The following TLK1 variants were observed in gnomAD, a reference collection of about 807,000 sequenced individuals.
TLK1 encodes the protein tousled like kinase 1, also known as serine/threonine-protein kinase tousled-like 1.
In TLK1, 24 loss-of-function variants were observed where a neutral mutation model predicts 105.3. The observed-to-expected ratio is 0.23, with a 90% confidence interval of 0.17 to 0.32. TLK1 has a LOEUF of 0.32. Ranked by LOEUF, TLK1 falls within the 10% of genes least tolerant of loss-of-function variation. TLK1 has a pLI of 1.00. For missense variants in TLK1, 558 were observed against 910.5 expected (o/e 0.61, Z 4.98); for synonymous variants, 321 against 310.4 (o/e 1.03, Z -0.36).
In TLK1 at chr2:171,060,044, G is replaced by T. The variant is rs1687678314; in HGVS notation, c.406+1037C>A. ...ACTTGAAGTCAAGTTTACTCCAAAG[G>T]AAGGGGGGAAAAAACACTGAAAGCC... On this transcript the variant is annotated intron_variant, in intron 4 of 20. Coordinates refer to ENST00000431350, the MANE Select transcript of TLK1 (RefSeq NM_012290.5). 3.1e-6 allele frequency: 5 copies of T among 1,602,638 alleles called. No homozygotes were observed. In the Admixed American group the frequency reaches 8.5e-5, roughly 27 times the overall value.
Position 171,160,351 on chromosome 2 carries a change from GC to G in TLK1, c.77del (p.Gly26AlafsTer10), listed in dbSNP as rs1189031173. 1.9e-6 allele frequency: 3 copies of G among 1,604,960 alleles called. No individual in the cohort carries two copies. Among genetic ancestry groups the G allele is most frequent in the Non-Finnish European group, 2.6e-6 (3 of 1,176,394 alleles). On this transcript the variant is annotated frameshift_variant, in exon 1 of 21. Coordinates refer to ENST00000431350, the MANE Select transcript of TLK1 (RefSeq NM_012290.5). LOFTEE classifies it high-confidence loss of function. The surrounding 1 kb of genome is among the most constrained non-coding windows in gnomAD (Gnocchi z 4.4). Reference protein sequence around the residue: ...WSQLSTSPTPGSAAAARSLLN... With the variant: ...WSQLSTSPTPXSAAAARSLLN... ...GCAGGGACCTGGCCGCCGCCGCCGAGCCCGGGGTTGGAGACGTGGAGAGCTG... is the reference window on the plus strand; with the variant it reads ...GCAGGGACCTGGCCGCCGCCGCCGAGCCGGGGTTGGAGACGTGGAGAGCTG...
chr2:171,082,939 G>A lies in TLK1; in HGVS notation c.259-87C>T, dbSNP rs189761640. 101 of 873,126 alleles carry A rather than the reference G, an allele frequency of 1.2e-4. No homozygotes were observed. The African/African-American group carries it at 1.6e-3, about 14-fold the overall frequency. 54.1% of individuals were successfully genotyped at this position (873,126 alleles called of 1,614,324 possible). A position where few individuals can be genotyped will look rare whatever the true frequency, so the allele number is the denominator to read the frequency against. On this transcript the variant is annotated intron_variant, in intron 2 of 20. Coordinates refer to ENST00000431350, the MANE Select transcript of TLK1 (RefSeq NM_012290.5). ...TTTTAAACAAACATATTACAAAGTA[G>A]ATAATCTATCTTCATAAATAAATAA...
At chr2:171,055,907 T>C (rs190171579) in intron 6 of TLK1, among the ~76,000 whole-genome samples, 6 of 152,040 alleles carry the variant, frequency 3.9e-5, no homozygotes, top group East Asian at 1.9e-4. Flanking sequence ...TAGTTAGATA[T>C]TGAACTTTCA....
intron 10 of TLK1, 107 bp from the exon 11 acceptor site, chr2:171,046,469 G>A (rs1409571233): frequency 8.4e-5 from 106 of 1,265,948 alleles, no homozygotes; most frequent in Non-Finnish European, 7.6e-5. Context: ...ATATACATTC[G>A]TAACCTTTTG....
chr2:171,153,218 C>A (rs919930144), intron 1 of TLK1, among the ~76,000 whole-genome samples: 2 of 152,180 alleles, frequency 1.3e-5, no homozygotes, highest in Admixed American at 6.5e-5. Context: ...CTAGGTCACA[C>A]TGGTAAGTCA....
intron 2 of TLK1, among the ~76,000 whole-genome samples, chr2:171,105,189 G>T (rs959426660): frequency 6.6e-6 from 1 of 152,100 alleles, no homozygotes; most frequent in African/African-American, 2.4e-5. Context: ...TCACAGCAAA[G>T]GAAACAATCA....
chr2:171,014,715 C>G (rs182986454), intron 13 of TLK1, 136 bp downstream of exon 13: 36 of 659,534 alleles, frequency 5.5e-5, no homozygotes, highest in Non-Finnish European at 9.2e-5. Context: ...AAAAGGCCTT[C>G]CAAGCCATGG....
intron 3 of TLK1, among the ~76,000 whole-genome samples, chr2:171,072,929 G>GAAA (rs11387073): frequency 6.5e-5 from 8 of 123,524 alleles, no homozygotes; most frequent in Non-Finnish European, 6.7e-5. Flanking sequence ...ACTCTGTCTC[G>GAAA]AAAAAAAAAA....
At chr2:171,126,852 C>G (rs1375246678) in intron 1 of TLK1, among the ~76,000 whole-genome samples, 5 of 151,146 alleles carry the variant, frequency 3.3e-5, no homozygotes, top group Non-Finnish European at 7.4e-5. Flanking sequence ...CTAGATAAGG[C>G]AGAGGTTCCT....
chr2:171,057,400 T>C lies in TLK1; in HGVS notation c.453+751A>G, dbSNP rs189196809. ...AGAGCCTAGCATAAAATTTAGCACATAGTAGGCATTCAAGAGACATTTGTT... is the reference window on the plus strand; with the variant it reads ...AGAGCCTAGCATAAAATTTAGCACACAGTAGGCATTCAAGAGACATTTGTT... On this transcript the variant is annotated intron_variant, in intron 5 of 20. Transcript: ENST00000431350. Among the ~76,000 whole-genome samples the C allele has an allele frequency of 5.2e-3, 788 of 152,140 alleles. 9 individuals are homozygous for C. Among genetic ancestry groups the C allele is most frequent in the African/African-American group, 0.017 (727 of 41,566 alleles).
intron 1 of TLK1, among the ~76,000 whole-genome samples, chr2:171,177,892 T>C (rs1178534659): frequency 1.3e-5 from 2 of 152,014 alleles, no homozygotes; most frequent in African/African-American, 4.8e-5. Flanking sequence ...CTCCCGGGTT[T>C]AAGCGATTCT....
intron 17 of TLK1, 52 bp from the exon 18 acceptor site, chr2:171,006,334 CTT>C: frequency 6.7e-7 from 1 of 1,501,192 alleles, no homozygotes; most frequent in Non-Finnish European, 8.9e-7. Context: ...AAAAACATAA[CTT>C]TAATAACTTT....
chr2:171,136,893 A>T (rs1259642697), intron 1 of TLK1, among the ~76,000 whole-genome samples: 2 of 152,266 alleles, frequency 1.3e-5, no homozygotes, highest in Non-Finnish European at 2.9e-5. Flanking sequence ...TGATTAGTAA[A>T]ATCAATATGA....
rs113975867 is a variant in TLK1, at chr2:171,037,164, T to C, written c.1170-8759A>G. Among the ~76,000 whole-genome samples the C allele has an allele frequency of 3.8e-3, 571 of 152,160 alleles. 6 individuals carry two copies. Among genetic ancestry groups the C allele is most frequent in the African/African-American group, 0.013 (527 of 41,528 alleles). On this transcript the variant is annotated intron_variant, in intron 11 of 20. Transcript: ENST00000431350. ...AGGGTATTAAGAAGCATGATGGGCC[T>C]GGCACGTTGGCTCACGCTTGTAATC... is the stretch of plus-strand genomic sequence containing the variant.
intron 1 of TLK1, among the ~76,000 whole-genome samples, chr2:171,118,550 G>T (rs1529379): frequency 0.98 from 148,797 of 152,294 alleles, 72,803 homozygotes; most frequent in East Asian, 1. Context: ...ACACTTACTA[G>T]TATTAAACCA....
At chr2:171,040,133 A>G (rs958545349) in intron 11 of TLK1, among the ~76,000 whole-genome samples, 3 of 152,288 alleles carry the variant, frequency 2.0e-5, no homozygotes, top group African/African-American at 2.4e-5. Flanking sequence ...AAAAGGTGAG[A>G]AAAAAAGAAA....
intron 1 of TLK1, among the ~76,000 whole-genome samples, chr2:171,167,956 AT>A (rs1692640868): frequency 6.6e-6 from 1 of 151,940 alleles, no homozygotes; most frequent in Non-Finnish European, 1.5e-5. Context: ...TAATTTAAAA[AT>A]ATATAAATTA....
At chr2:171,070,311 T>A (rs866670625) in intron 3 of TLK1, among the ~76,000 whole-genome samples, 15 of 151,048 alleles carry the variant, frequency 9.9e-5, no homozygotes, top group African/African-American at 1.7e-4. Flanking sequence ...AGTTTTTTTT[T>A]AAATATACAA....
chr2:171,129,847 T>TAACAA (rs1427823540), intron 1 of TLK1, among the ~76,000 whole-genome samples: 1 of 150,832 alleles, frequency 6.6e-6, no homozygotes, highest in East Asian at 1.9e-4. Flanking sequence ...TAACATAACA[T>TAACAA]AACATAACAT....
Sources: allele counts gnomAD v4.1 joint callset (sites outside exome capture counted in the v4.1 genomes callset), GRCh38; gene constraint gnomAD v4.1.1; non-coding constraint Gnocchi (gnomAD v3.1); transcripts MANE v1.5; gene names NCBI Gene and HGNC (gene_info 2026-07-23, HGNC 2026-07-21).